IL12RB1: variants seen among roughly 807,000 people sequenced by gnomAD.
IL12RB1 encodes the protein interleukin-12 receptor subunit beta-1.
IL12RB1 carries 64 observed loss-of-function variants against 94.4 expected under a neutral mutation model. That is an observed-to-expected ratio of 0.68 (90% CI 0.55 to 0.83). IL12RB1 has a LOEUF of 0.83. Ranked by LOEUF, IL12RB1 falls within the 40% of genes least tolerant of loss-of-function variation. The pLI is 0.00. For synonymous variants in IL12RB1, 362 were observed against 355.5 expected (o/e 1.02, Z -0.21); for missense variants, 814 against 855.6 (o/e 0.95, Z 0.61).
At chr19:18,081,239 G>A (rs866238418) in intron 3 of IL12RB1, among the ~76,000 whole-genome samples, 1 of 152,108 alleles carries the variant, frequency 6.6e-6, no homozygotes, top group Admixed American at 6.5e-5. Context: ...GGGATTACAG[G>A]CACATGCCAC....
chr19:18,095,811 G>A (rs1260034501), intron 1 of IL12RB1, among the ~76,000 whole-genome samples: 2 of 152,064 alleles, frequency 1.3e-5, no homozygotes, highest in Admixed American at 1.3e-4. Flanking sequence ...GTCAGGCCCA[G>A]TGACCCTTCC....
At position 18,060,065 on chromosome 19, in the gene IL12RB1, TG is replaced by T; in HGVS notation, c.1811del (p.Pro604GlnfsTer16). 1.2e-6 allele frequency: 2 copies of T among 1,602,792 alleles called. No individual in the cohort carries two copies. The highest frequency in any genetic ancestry group is 1.7e-6 in the Non-Finnish European group (2 of 1,171,176). On this transcript the variant is annotated frameshift_variant, in exon 16 of 17. Coordinates refer to ENST00000593993, the MANE Select transcript of IL12RB1 (RefSeq NM_005535.3). LOFTEE classifies it high-confidence loss of function. ...GGGATGCCTCTTCCTGGAAGTCCACTGGGTTGATCCACTGCCAAGTCTGCAG... is the reference window on the plus strand; with the variant it reads ...GGGATGCCTCTTCCTGGAAGTCCACTGGTTGATCCACTGCCAAGTCTGCAG... ...GGKETWQWIN[P>X]VDFQEEASLQ... is the part of the protein sequence containing the mutation.
intron 4 of IL12RB1, among the ~76,000 whole-genome samples, chr19:18,078,618 G>A (rs12610456): frequency 0.1 from 15,524 of 151,354 alleles, 939 homozygotes; most frequent in East Asian, 0.28. Context: ...GGGGTGATCC[G>A]CCCACCTCGG....
intron 7 of IL12RB1, 62 bp from the exon 8 acceptor site, chr19:18,073,661 C>T (rs548199200): frequency 2.6e-4 from 255 of 984,562 alleles, no homozygotes; most frequent in Non-Finnish European, 3.3e-4. Context: ...TGGATGTTTT[C>T]TTTGTAAATG....
At chr19:18,086,937 AAAAAAAG>A (rs1195090002), upstream of IL12RB1, 38 of 1,548,192 alleles carry the variant, frequency 2.5e-5, no homozygotes, top group Non-Finnish European at 3.1e-5. Flanking sequence ...AAAAGACTGA[AAAAAAAG>A]AAAAAAGAAA....
At chr19:18,092,862 C>A (rs1480531236) in intron 1 of IL12RB1, among the ~76,000 whole-genome samples, 1 of 152,074 alleles carries the variant, frequency 6.6e-6, no homozygotes, top group Non-Finnish European at 1.5e-5. Flanking sequence ...GTTCATTCAA[C>A]CACCACACTT....
chr19:18,094,725 C>T (rs1460289176), intron 1 of IL12RB1, among the ~76,000 whole-genome samples: 1 of 152,134 alleles, frequency 6.6e-6, no homozygotes, highest in Non-Finnish European at 1.5e-5. Flanking sequence ...ATTAGCTGGG[C>T]ATGGCGGCAT....
chr19:18,080,706 G>A (rs560455316), intron 4 of IL12RB1, 126 bp downstream of exon 4: 28 of 771,168 alleles, frequency 3.6e-5, no homozygotes, highest in African/African-American at 2.7e-4. Context: ...GTGACACTAC[G>A]TGAAGTGACA....
chr19:18,068,017 CTTTTTTTTTTTTT>C (rs1216685125), intron 11 of IL12RB1, among the ~76,000 whole-genome samples: 2 of 59,860 alleles, frequency 3.3e-5, no homozygotes, highest in African/African-American at 7.0e-5. Flanking sequence ...CAGCATTGTC[CTTTTTTTTTTTTT>C]TTTTTTTTTT....
At chr19:18,093,581 A>G (rs1323016427) in intron 1 of IL12RB1, among the ~76,000 whole-genome samples, 1 of 151,998 alleles carries the variant, frequency 6.6e-6, no homozygotes, top group Admixed American at 6.6e-5. Context: ...GGTTCAGGGA[A>G]CCTCTCTTTC....
rs67262412 is a variant in IL12RB1, at chr19:18,063,078, A to ATTT, written c.1618+795_1618+797dup. Among the ~76,000 whole-genome samples the ATTT allele has an allele frequency of 5.0e-3, 257 of 51,468 alleles. 46 individuals carry two copies. Among genetic ancestry groups the ATTT allele is most frequent in the African/African-American group, 8.5e-3 (82 of 9,668 alleles). The allele number at this position is 51,468 out of a possible 152,430, so 33.8% of individuals were successfully genotyped here. A position where few individuals can be genotyped will look rare whatever the true frequency, so the allele number is the denominator to read the frequency against. On this transcript the variant is annotated intron_variant, in intron 13 of 16. Transcript: ENST00000593993. Reference sequence around the variant, plus strand: ...TCTTTCTTCTCCTTCTTCTTCTTCTATTTTTTTTTTTTTTTTTTTTTTTTT... The same window carrying ATTT: ...TCTTTCTTCTCCTTCTTCTTCTTCTATTTTTTTTTTTTTTTTTTTTTTTTTTTT...
At chr19:18,066,785 G>A (rs1387138480) in intron 11 of IL12RB1, 88 bp from the exon 12 acceptor site, 25 of 1,027,020 alleles carry the variant, frequency 2.4e-5, no homozygotes, top group African/African-American at 6.3e-5. Flanking sequence ...CCAGCACTTT[G>A]GGAGGCCGAG....
In IL12RB1 at chr19:18,080,976, A is replaced by G. The variant is rs544324864; in HGVS notation, c.265T>C (p.Phe89Leu). 8 of 1,613,246 alleles carry G rather than the reference A, an allele frequency of 5.0e-6. No individual in the cohort carries two copies. The South Asian group carries it at 7.7e-5, about 16-fold the overall frequency. Residue 89 changes from phenylalanine to leucine, a missense_variant, in exon 4 of 17, where the codon TTC (phenylalanine) becomes CTC (leucine). Transcript: ENST00000593993. ...CCLSSGRCCY[F>L]AAGSATRLQF... ...AGCCTGGTGGCTGAGCCGGCGGCGA[A>G]GTAGCAGCAGCGCCCGGAGCTAAGG...
At position 18,097,170 on chromosome 19, in the gene IL12RB1, TTTG is replaced by T. The variant is rs548352961; in HGVS notation, c.-230+1582_-230+1584del. 1.3e-4 allele frequency among the ~76,000 whole-genome samples: 20 copies of T among 152,098 alleles called. No homozygotes were observed. In the Middle Eastern group the frequency reaches 0.01, roughly 78 times the overall value. ...TCTGCTGTGTGTACTGGGCACATTT[TTTG>T]TTGTTGTTTTGTTTTTGTTTTTGAG... On this transcript the variant is annotated intron_variant, in intron 1 of 4. Transcript: ENST00000594176.
chr19:18,094,590 G>A (rs1015552585), intron 1 of IL12RB1, among the ~76,000 whole-genome samples: 5 of 152,200 alleles, frequency 3.3e-5, no homozygotes, highest in African/African-American at 1.2e-4. Context: ...GTTGCTGGGC[G>A]CAGTGGCTCA....
chr19:18,083,562 G>A (rs2036063494), intron 1 of IL12RB1, 71 bp from the exon 2 acceptor site: 1 of 1,488,568 alleles, frequency 6.7e-7, no homozygotes. Context: ...TCAGCCTTGG[G>A]GTCTACACCC....
At chr19:18,061,029 T>C (rs1397338719) in intron 15 of IL12RB1, 93 bp downstream of exon 15, 4 of 754,520 alleles carry the variant, frequency 5.3e-6, no homozygotes, top group Non-Finnish European at 9.5e-6. Flanking sequence ...CTTACCTTGA[T>C]GAATTGGGAG....
At chr19:18,071,476 TTTG>T in intron 9 of IL12RB1, 2 of 386,010 alleles carry the variant, frequency 5.2e-6, no homozygotes, top group Non-Finnish European at 9.4e-6. Flanking sequence ...TCAGCTAGTT[TTTG>T]TTGTTGTTCT....
chr19:18,076,366 G>A (rs1448100912), intron 5 of IL12RB1, 39 bp from the exon 6 acceptor site: 1 of 1,095,328 alleles, frequency 9.1e-7, no homozygotes, highest in Non-Finnish European at 1.4e-6. Context: ...TTTGCATTTT[G>A]GTGCTGAAAA....
Sources: gnomAD v4.1 joint callset for allele counts (sites outside exome capture counted in the v4.1 genomes callset) on GRCh38, gnomAD v4.1.1 for gene constraint, MANE v1.5 for transcripts, NCBI Gene and HGNC (gene_info 2026-07-23, HGNC 2026-07-21) for gene names.